The following SIPA1L3 variants were observed in gnomAD, a reference collection of about 807,000 sequenced individuals.
The protein encoded by SIPA1L3 is signal induced proliferation associated 1 like 3.
In SIPA1L3, 59 loss-of-function variants were observed where a neutral mutation model predicts 150.1. The ratio of observed to expected loss-of-function variants is 0.39; its 90% confidence interval spans 0.32 to 0.49. The LOEUF is 0.49. Among genes scored for constraint, SIPA1L3 ranks in the 20% least tolerant of loss-of-function variants. The pLI, the probability that SIPA1L3 is intolerant of heterozygous loss-of-function variation, is 0.86. For synonymous variants in SIPA1L3, 1,070 were observed against 1,077.6 expected, an observed-to-expected ratio of 0.99 and a Z score of 0.14; for missense variants, 2,211 against 2,489.5, an observed-to-expected ratio of 0.89 and a Z score of 2.38.
intron 1 of SIPA1L3, among the ~76,000 whole-genome samples, chr19:37,993,564 C>G (rs1195951147): frequency 6.6e-6 from 1 of 152,054 alleles, no homozygotes; most frequent in Non-Finnish European, 1.5e-5. Context: ...TTAAACCATC[C>G]TAGAAAGCAT....
intron 1 of SIPA1L3, among the ~76,000 whole-genome samples, chr19:38,004,883 C>T (rs986219677): frequency 6.6e-6 from 1 of 152,148 alleles, no homozygotes; most frequent in African/African-American, 2.4e-5. Context: ...TTCAGTCTGT[C>T]TTTCTGCTTT....
intron 2 of SIPA1L3, among the ~76,000 whole-genome samples, chr19:38,070,207 T>TCTATCTATCTATCTATCTAC: frequency 6.6e-6 from 1 of 151,118 alleles, no homozygotes; most frequent in South Asian, 2.1e-4. Context: ...TATCTATCTA[T>TCTATCTATCTATCTATCTAC]CTATCTATCT....
At position 38,110,259 on chromosome 19, in the gene SIPA1L3, C is replaced by T. The variant is rs756077836; in HGVS notation, c.2166C>T (p.Ile722=). The T allele has an allele frequency of 5.6e-6, 9 of 1,614,010 alleles. No individual in the cohort carries two copies. Among genetic ancestry groups the T allele is most frequent in the Non-Finnish European group, 4.2e-6 (5 of 1,180,010 alleles). ...GGAAGAGGCACATAGGAAATGACAT[C>T]GTGACGATCATCTTCCAGGAGCCTG... ...LLRKRHIGND[I]VTIIFQEPGA... is the part of the protein sequence containing the mutation. The change falls in exon 8 of 22, where the codon ATC becomes ATT. Residue 722 remains isoleucine (I), a synonymous_variant. Transcript: ENST00000222345.
intron 7 of SIPA1L3, chr19:38,109,996 G>A (rs933805367): frequency 2.2e-5 from 11 of 504,350 alleles, no homozygotes; most frequent in South Asian, 8.1e-5. Context: ...AGGGAACAGC[G>A]GTGCAGAGGC....
intron 1 of SIPA1L3, among the ~76,000 whole-genome samples, chr19:37,988,591 G>T (rs188007106): frequency 6.6e-6 from 1 of 152,070 alleles, no homozygotes; most frequent in Non-Finnish European, 1.5e-5. Context: ...CAGGAGAATC[G>T]CTTGAACCCA....
intron 12 of SIPA1L3, among the ~76,000 whole-genome samples, chr19:38,146,973 G>A (rs1411040086): frequency 1.3e-5 from 2 of 152,052 alleles, no homozygotes; most frequent in African/African-American, 2.4e-5. Context: ...TCAGATATGC[G>A]ATTTGCAAAT....
intron 2 of SIPA1L3, among the ~76,000 whole-genome samples, chr19:38,052,482 C>T (rs1311608646): frequency 1.3e-5 from 2 of 152,228 alleles, no homozygotes; most frequent in Non-Finnish European, 2.9e-5. Flanking sequence ...GGCTTCTCAC[C>T]ACCTCTACCT....
At chr19:37,995,178 G>A (rs2090647248) in intron 1 of SIPA1L3, among the ~76,000 whole-genome samples, 2 of 152,190 alleles carry the variant, frequency 1.3e-5, no homozygotes, top group Non-Finnish European at 2.9e-5. Flanking sequence ...TGGCCATAAA[G>A]GAGCCAGGGG....
chr19:38,064,259 C>T (rs1294939122), intron 2 of SIPA1L3, among the ~76,000 whole-genome samples: 1 of 152,214 alleles, frequency 6.6e-6, no homozygotes, highest in Non-Finnish European at 1.5e-5. Flanking sequence ...CCCCACCCGG[C>T]CCTGGCACTG....
rs755582528 is a variant in SIPA1L3 at position 38,193,729 on chromosome 19, G to A, written c.4789G>A (p.Val1597Ile). ...RRQHQHPHPPVGPGATPAAGS... is the reference protein window; with the variant it reads ...RRQHQHPHPPIGPGATPAAGS... ...CCAGCACCAGCACCCCCACCCGCCC[G>A]TCGGCCCCGGTGCCACCCCTGCCGC... The change falls in exon 18 of 22, where the codon GTC (valine) becomes ATC (isoleucine). Residue 1597 changes from valine (V) to isoleucine (I), a missense_variant. Transcript: ENST00000222345. 47 of 1,567,388 alleles carry A rather than the reference G, an allele frequency of 3.0e-5. No homozygotes were observed. The African/African-American group carries it at 3.7e-4, about 12-fold the overall frequency.
At chr19:38,099,905 C>G in intron 4 of SIPA1L3, 57 bp from the exon 5 acceptor site, 1 of 1,393,984 alleles carries the variant, frequency 7.2e-7, no homozygotes, top group Non-Finnish European at 9.8e-7. Flanking sequence ...CTGCTATGCT[C>G]TTATCCCTTT....
At chr19:38,096,003 C>T (rs1200897303) in intron 4 of SIPA1L3, among the ~76,000 whole-genome samples, 1 of 152,160 alleles carries the variant, frequency 6.6e-6, no homozygotes, top group Non-Finnish European at 1.5e-5. Context: ...CCCCCAACAT[C>T]ATTGCTTTTC....
chr19:37,914,807 C>CT (rs2046403207), intron 1 of SIPA1L3, among the ~76,000 whole-genome samples: 1 of 152,156 alleles, frequency 6.6e-6, no homozygotes, highest in South Asian at 2.1e-4. Context: ...ACCTGGCCTA[C>CT]TTTTTTATAA....
At chr19:38,036,952 C>CT (rs1309143902) in intron 2 of SIPA1L3, among the ~76,000 whole-genome samples, 3 of 152,202 alleles carry the variant, frequency 2.0e-5, no homozygotes, top group African/African-American at 4.8e-5. Context: ...TCACTTCCAC[C>CT]TGCACCCAGA....
intron 1 of SIPA1L3, among the ~76,000 whole-genome samples, chr19:37,999,874 C>T (rs1177965020): frequency 1.3e-5 from 2 of 152,146 alleles, no homozygotes; most frequent in African/African-American, 2.4e-5. Context: ...TCATGATTGC[C>T]AGGGTCTTGA....
chr19:37,951,034 G>A (rs531483093), intron 1 of SIPA1L3, among the ~76,000 whole-genome samples: 58 of 152,324 alleles, frequency 3.8e-4, no homozygotes, highest in African/African-American at 1.4e-3. Context: ...TTTTCCTGTT[G>A]GGAACTGCTC....
intron 1 of SIPA1L3, among the ~76,000 whole-genome samples, chr19:37,992,515 G>A (rs1319429025): frequency 6.6e-6 from 1 of 152,140 alleles, no homozygotes; most frequent in African/African-American, 2.4e-5. Context: ...TCTGCACATG[G>A]TGGCACATGC....
rs760606259 is a variant in SIPA1L3, at chr19:38,100,081, C to T, written c.1785C>T (p.Ile595=). Residue 595 remains isoleucine, a synonymous_variant, in exon 5 of 22, where the codon ATC becomes ATT. Transcript: ENST00000222345. ...ALEYVIPELN[I]HCLRLALNTP... is the part of the protein sequence containing the mutation. ...AGTATGTCATCCCCGAGCTCAACAT[C>T]CACTGCCTGCGGCTGGCCCTCAACA... The T allele has an allele frequency of 6.2e-7, 1 of 1,612,268 alleles. No individual in the cohort carries two copies. Among genetic ancestry groups the T allele is most frequent in the South Asian group, 1.1e-5 (1 of 90,814 alleles).
At chr19:37,984,197 C>A (rs2145621140) in intron 1 of SIPA1L3, among the ~76,000 whole-genome samples, 1 of 152,282 alleles carries the variant, frequency 6.6e-6, no homozygotes, top group African/African-American at 2.4e-5. Context: ...TCCATCCTTA[C>A]TAATGTGTGA....
Sources: gnomAD v4.1 joint callset for allele counts (sites outside exome capture counted in the v4.1 genomes callset) on GRCh38, gnomAD v4.1.1 for gene constraint, MANE v1.5 for transcripts, NCBI Gene and HGNC (gene_info 2026-07-23, HGNC 2026-07-21) for gene names.